CAPS2: variants seen among roughly 807,000 people sequenced by gnomAD.
CAPS2 encodes calcyphosine 2.
CAPS2 carries 98 observed loss-of-function variants against 86.5 expected under a neutral mutation model. That is an observed-to-expected ratio of 1.13 (90% CI 0.96 to 1.34). The LOEUF (loss-of-function observed/expected upper bound fraction) is 1.34, where lower values mean the gene tolerates loss of function less well. Among genes scored for constraint, CAPS2 ranks in the 40% most tolerant of loss-of-function variants. The probability of loss-of-function intolerance (pLI) is 0.00; values close to 1 mark genes in which losing one functional copy is unlikely to be tolerated. For synonymous variants in CAPS2, 210 were observed against 225.1 expected (o/e 0.93, Z 0.60); for missense variants, 729 against 686.8 (o/e 1.06, Z -0.69).
chr12:75,295,498 A>G (rs7975433), intron 11 of CAPS2, among the ~76,000 whole-genome samples: 120 of 152,378 alleles, frequency 7.9e-4, no homozygotes, highest in Middle Eastern at 3.4e-3. Context: ...CATGTTTTCA[A>G]TACAAAAATA....
exon 17 of CAPS2, chr12:75,277,211 T>A (rs202109323): frequency 9.0e-5 from 1 of 11,146 alleles, no homozygotes; most frequent in Non-Finnish European, 1.2e-4. Flanking sequence ...GTAGCTTCCC[T>A]TTTTTTTTTT....
chr12:75,370,160 T>C (rs755383804), intron 1 of CAPS2: 8 of 1,560,392 alleles, frequency 5.1e-6, no homozygotes, highest in Non-Finnish European at 7.1e-6. Context: ...GGTTTTCTTC[T>C]TCTGAGAATC....
intron 1 of CAPS2, among the ~76,000 whole-genome samples, chr12:75,382,128 GATCA>G (rs145350245): frequency 0.019 from 2,822 of 152,110 alleles, 71 homozygotes; most frequent in African/African-American, 0.064. Flanking sequence ...TTATAGAAAA[GATCA>G]ATCGAGTATG....
intron 7 of CAPS2, among the ~76,000 whole-genome samples, chr12:75,305,153 A>G (rs777521154): frequency 1.3e-4 from 20 of 152,240 alleles, no homozygotes; most frequent in Non-Finnish European, 2.2e-4. Context: ...ACAAGCAGAC[A>G]CAGTGCTGGT....
At chr12:75,387,453 G>A (rs964755678) in intron 1 of CAPS2, among the ~76,000 whole-genome samples, 1 of 152,154 alleles carries the variant, frequency 6.6e-6, no homozygotes, top group Admixed American at 6.5e-5. Context: ...ATTCACTGCT[G>A]GTGGGAATGC....
At chr12:75,337,560 G>A (rs1196597877) in intron 1 of CAPS2, among the ~76,000 whole-genome samples, 1 of 151,842 alleles carries the variant, frequency 6.6e-6, no homozygotes, top group Admixed American at 6.6e-5. Flanking sequence ...TTGATATGTT[G>A]TTTATTGAAT....
upstream of CAPS2, among the ~76,000 whole-genome samples, chr12:75,332,701 A>G (rs1392837370): frequency 6.6e-6 from 1 of 152,210 alleles, no homozygotes; most frequent in Non-Finnish European, 1.5e-5. Flanking sequence ...ATTTTTATTG[A>G]GAGCCTAAAG....
At chr12:75,347,743 A>T (rs774874198) in intron 1 of CAPS2, 8 of 1,477,030 alleles carry the variant, frequency 5.4e-6, no homozygotes, top group Non-Finnish European at 6.6e-6. Context: ...TTCTCTTAAA[A>T]ATATTTTAAT....
At chr12:75,341,747 CTTTT>C (rs1185408752) in intron 1 of CAPS2, among the ~76,000 whole-genome samples, 1 of 83,414 alleles carries the variant, frequency 1.2e-5, no homozygotes, top group Non-Finnish European at 2.2e-5. Context: ...CGCCCGGCCT[CTTTT>C]TTTTTTTTTT....
At chr12:75,276,133 T>G, downstream of CAPS2, 1 of 1,449,442 alleles carries the variant, frequency 6.9e-7, no homozygotes, top group South Asian at 1.4e-5. Flanking sequence ...CCCTGCAGAT[T>G]GTCTTTGCTC....
chr12:75,313,222 C>T (rs1346967554), intron 6 of CAPS2, among the ~76,000 whole-genome samples: 1 of 152,134 alleles, frequency 6.6e-6, no homozygotes, highest in Non-Finnish European at 1.5e-5. Context: ...GAGACTATGG[C>T]ATCCTTCCAC....
chr12:75,382,529 A>G (rs1488573900), intron 1 of CAPS2, among the ~76,000 whole-genome samples: 2 of 152,010 alleles, frequency 1.3e-5, no homozygotes, highest in African/African-American at 4.8e-5. Flanking sequence ...AGTCCCAGCT[A>G]CTCAGGAGGC....
At chr12:75,277,471 C>T in exon 17 of CAPS2, 3 of 912,570 alleles carry the variant, frequency 3.3e-6, no homozygotes, top group Non-Finnish European at 3.9e-6. Flanking sequence ...CTTATTTCTG[C>T]CAAAATGTCT....
At chr12:75,328,515 C>T (rs1398338183), upstream of CAPS2, among the ~76,000 whole-genome samples, 1 of 152,056 alleles carries the variant, frequency 6.6e-6, no homozygotes, top group Non-Finnish European at 1.5e-5. Flanking sequence ...CAGTCAAGAC[C>T]AAGAAGGTTG....
chr12:75,337,539 G>A (rs1004956842), intron 1 of CAPS2, among the ~76,000 whole-genome samples: 1 of 151,848 alleles, frequency 6.6e-6, no homozygotes, highest in Non-Finnish European at 1.5e-5. Flanking sequence ...TTATAAAATT[G>A]ACACAATATT....
intron 16 of CAPS2, among the ~76,000 whole-genome samples, chr12:75,279,805 A>G (rs984799523): frequency 5.3e-5 from 8 of 152,054 alleles, no homozygotes; most frequent in Non-Finnish European, 1.2e-4. Context: ...TTTTAATTGA[A>G]TGTTAGTCAA....
chr12:75,381,365 T>C (rs1023620884), intron 1 of CAPS2, among the ~76,000 whole-genome samples: 11 of 152,092 alleles, frequency 7.2e-5, no homozygotes, highest in Non-Finnish European at 1.3e-4. Flanking sequence ...AAATCTCAGG[T>C]ATGTCTTTAT....
upstream of CAPS2, chr12:75,334,607 G>C (rs980632957): frequency 8.8e-6 from 13 of 1,481,734 alleles, no homozygotes; most frequent in African/African-American, 2.8e-5. Context: ...CGCTGGGCTC[G>C]AGCCTGTGCG....
chr12:75,361,668 C>T (rs1418456390), intron 1 of CAPS2, among the ~76,000 whole-genome samples: 1 of 152,164 alleles, frequency 6.6e-6, no homozygotes. Context: ...ACCTTCCTTA[C>T]AGTGCAGCAG....
Sources: allele counts gnomAD v4.1 joint callset (sites outside exome capture counted in the v4.1 genomes callset), GRCh38; gene constraint gnomAD v4.1.1; transcripts MANE v1.5; gene names NCBI Gene and HGNC (gene_info 2026-07-23, HGNC 2026-07-21).